Variants in GRIN2A observed in about 807,000 individuals in gnomAD.
GRIN2A encodes the protein glutamate ionotropic receptor NMDA type subunit 2A.
GRIN2A carries 22 observed loss-of-function variants against 113.4 expected under a neutral mutation model. That is an observed-to-expected ratio of 0.19 (90% CI 0.14 to 0.28). The LOEUF (loss-of-function observed/expected upper bound fraction) is 0.28, where lower values mean the gene tolerates loss of function less well. Among genes scored for constraint, GRIN2A ranks in the 10% least tolerant of loss-of-function variants. The pLI, the probability that GRIN2A is intolerant of heterozygous loss-of-function variation, is 1.00. For missense variants in GRIN2A, 1,502 were observed against 1,887.0 expected (o/e 0.80, Z 3.78); for synonymous variants, 827 against 738.4 (o/e 1.12, Z -1.94).
At chr16:9,860,263 C>A (rs915756505) in intron 4 of GRIN2A, among the ~76,000 whole-genome samples, 4 of 151,722 alleles carry the variant, frequency 2.6e-5, no homozygotes, top group African/African-American at 7.3e-5. Context: ...CCAGATCAGC[C>A]TGGCCAACAT....
intron 2 of GRIN2A, among the ~76,000 whole-genome samples, chr16:10,095,654 C>T (rs992306156): frequency 1.3e-5 from 2 of 152,064 alleles, no homozygotes; most frequent in African/African-American, 2.4e-5. Context: ...CTTCCTAGTG[C>T]AGGTTTCTAA....
At chr16:10,020,619 T>C (rs762478463) in intron 2 of GRIN2A, among the ~76,000 whole-genome samples, 9 of 152,164 alleles carry the variant, frequency 5.9e-5, no homozygotes, top group Non-Finnish European at 8.8e-5. Context: ...AAGAGAGTCA[T>C]ACTAGCTATA....
At chr16:9,816,624 C>G (rs1395221461) in intron 10 of GRIN2A, among the ~76,000 whole-genome samples, 1 of 152,222 alleles carries the variant, frequency 6.6e-6, no homozygotes, top group Non-Finnish European at 1.5e-5. Flanking sequence ...GCCAAAATGG[C>G]TTGGAGGACA....
intron 2 of GRIN2A, among the ~76,000 whole-genome samples, chr16:10,040,070 A>AC (rs2047129802): frequency 9.8e-4 from 1 of 1,016 alleles, no homozygotes. Context: ...TACACTACAC[A>AC]CATCCACACA....
chr16:9,921,752 A>C (rs1472258582), intron 3 of GRIN2A, among the ~76,000 whole-genome samples: 1 of 152,188 alleles, frequency 6.6e-6, no homozygotes, highest in East Asian at 1.9e-4. Context: ...TTCATCAATC[A>C]TGATCACCTT....
At chr16:9,971,733 G>C (rs894724499) in intron 2 of GRIN2A, among the ~76,000 whole-genome samples, 1 of 152,120 alleles carries the variant, frequency 6.6e-6, no homozygotes, top group Non-Finnish European at 1.5e-5. Flanking sequence ...AAGATAGCCA[G>C]AGTTCTGCTT....
chr16:10,001,270 C>A (rs141061388), intron 2 of GRIN2A, among the ~76,000 whole-genome samples: 80 of 152,258 alleles, frequency 5.3e-4, no homozygotes, highest in African/African-American at 1.9e-3. Flanking sequence ...AATATTGGAA[C>A]CATGAAGTCC....
intron 10 of GRIN2A, among the ~76,000 whole-genome samples, chr16:9,813,988 T>C (rs1327873209): frequency 1.3e-5 from 2 of 152,194 alleles, no homozygotes; most frequent in Admixed American, 1.3e-4. Flanking sequence ...CCTGCTCAAA[T>C]GGCATCTTTG....
chr16:10,160,759 C>A (rs896334997), intron 2 of GRIN2A, among the ~76,000 whole-genome samples: 1 of 152,188 alleles, frequency 6.6e-6, no homozygotes, highest in Non-Finnish European at 1.5e-5. Context: ...AATGCTCAAT[C>A]GAACAGAAAG....
chr16:10,030,187 T>TC (rs879494669), intron 2 of GRIN2A, among the ~76,000 whole-genome samples: 1 of 61,796 alleles, frequency 1.6e-5, no homozygotes, highest in African/African-American at 5.1e-5. Flanking sequence ...GGGTGATTTT[T>TC]TAAAAAAAAA....
intron 10 of GRIN2A, among the ~76,000 whole-genome samples, chr16:9,808,599 T>C (rs1467584796): frequency 6.6e-6 from 1 of 152,160 alleles, no homozygotes; most frequent in Non-Finnish European, 1.5e-5. Flanking sequence ...ATTTTACACA[T>C]GTGGGAAACA....
intron 2 of GRIN2A, among the ~76,000 whole-genome samples, chr16:10,040,715 C>A (rs570768269): frequency 6.6e-6 from 1 of 152,328 alleles, no homozygotes; most frequent in Non-Finnish European, 1.5e-5. Context: ...CATACACACA[C>A]CATAGGCACA....
intron 7 of GRIN2A, among the ~76,000 whole-genome samples, chr16:9,839,730 T>G (rs923067328): frequency 6.6e-6 from 1 of 152,118 alleles, no homozygotes; most frequent in Non-Finnish European, 1.5e-5. Flanking sequence ...AAGCAATATA[T>G]CTATTAATTT....
intron 2 of GRIN2A, among the ~76,000 whole-genome samples, chr16:10,109,402 T>C (rs1054822007): frequency 6.6e-6 from 1 of 151,350 alleles, no homozygotes; most frequent in Non-Finnish European, 1.5e-5. Flanking sequence ...CAGAAGGCAA[T>C]ACTTCCCAAT....
intron 2 of GRIN2A, among the ~76,000 whole-genome samples, chr16:9,964,429 T>C (rs1270950581): frequency 6.6e-6 from 1 of 152,200 alleles, no homozygotes; most frequent in Non-Finnish European, 1.5e-5. Context: ...TCATTTTCTA[T>C]TGCTGCTATG....
At chr16:9,866,951 C>G (rs1198847642) in intron 4 of GRIN2A, among the ~76,000 whole-genome samples, 1 of 152,194 alleles carries the variant, frequency 6.6e-6, no homozygotes, top group Non-Finnish European at 1.5e-5. Flanking sequence ...ATCCACAGCT[C>G]TCATTCAGGT....
chr16:9,808,953 T>C (rs34606734), intron 10 of GRIN2A, among the ~76,000 whole-genome samples: 49,611 of 151,544 alleles, frequency 0.33, 8,982 homozygotes, highest in African/African-American at 0.48. Context: ...CTTAAAAATA[T>C]TCTGATGCAT....
intron 2 of GRIN2A, among the ~76,000 whole-genome samples, chr16:10,124,572 A>C (rs2048893143): frequency 1.3e-5 from 2 of 152,204 alleles, no homozygotes; most frequent in South Asian, 4.1e-4. Context: ...GGGCACTGAA[A>C]TTATGGGGTA....
intron 2 of GRIN2A, among the ~76,000 whole-genome samples, chr16:10,041,428 T>C (rs991061837): frequency 6.6e-6 from 1 of 152,176 alleles, no homozygotes; most frequent in Non-Finnish European, 1.5e-5. Context: ...CTGTACCTAC[T>C]CCCTGAAGCT....
Sources: allele counts gnomAD v4.1 joint callset (sites outside exome capture counted in the v4.1 genomes callset), GRCh38; gene constraint gnomAD v4.1.1; transcripts MANE v1.5; gene names NCBI Gene and HGNC (gene_info 2026-07-23, HGNC 2026-07-21).